Variants in LRRC4C observed in about 807,000 individuals in gnomAD.
LRRC4C encodes the protein leucine rich repeat containing 4C, also known as leucine-rich repeat-containing protein 4C.
A neutral mutation model predicts 33.6 loss-of-function variants in LRRC4C; 5 were observed. The ratio of observed to expected loss-of-function variants is 0.15; its 90% CI spans 0.08 to 0.31. The LOEUF is 0.31. LRRC4C is among the 10% of genes least tolerant of loss of function. LRRC4C has a pLI of 1.00. For missense variants in LRRC4C, 560 were observed against 796.7 expected (o/e 0.70, Z 3.58); for synonymous variants, 329 against 302.0 (o/e 1.09, Z -0.93).
At chr11:40,391,262 C>G (rs7940274) in intron 3 of LRRC4C, among the ~76,000 whole-genome samples, 1 of 151,904 alleles carries the variant, frequency 6.6e-6, no homozygotes, top group Admixed American at 6.6e-5. Flanking sequence ...ATACTCAGTA[C>G]GTAGTTGTTG....
chr11:40,460,620 G>A (rs1010639873), intron 3 of LRRC4C, among the ~76,000 whole-genome samples: 3 of 152,106 alleles, frequency 2.0e-5, no homozygotes, highest in Admixed American at 6.6e-5. Context: ...TTGGCAGTAA[G>A]CTTTGGGAAA....
intron 1 of LRRC4C, among the ~76,000 whole-genome samples, chr11:41,196,035 G>A (rs1440859273): frequency 6.6e-6 from 1 of 152,046 alleles, no homozygotes; most frequent in African/African-American, 2.4e-5. Flanking sequence ...ACTTTTTAAA[G>A]TTTGTTGCTT....
chr11:40,528,436 C>T (rs1347900783), intron 3 of LRRC4C, among the ~76,000 whole-genome samples: 1 of 151,446 alleles, frequency 6.6e-6, no homozygotes, highest in Non-Finnish European at 1.5e-5. Flanking sequence ...AAAGTAAAAG[C>T]TGCAATGAGA....
intron 3 of LRRC4C, among the ~76,000 whole-genome samples, chr11:40,486,331 C>T (rs79450947): frequency 0.038 from 5,832 of 151,846 alleles, 336 homozygotes; most frequent in African/African-American, 0.12. Context: ...AAAGTTAAAA[C>T]ATTCACAGGG....
intron 3 of LRRC4C, among the ~76,000 whole-genome samples, chr11:40,555,219 T>C (rs1166397329): frequency 6.6e-6 from 1 of 152,170 alleles, no homozygotes; most frequent in Non-Finnish European, 1.5e-5. Flanking sequence ...CCTTCCTTTT[T>C]CTATTTCACT....
intron 1 of LRRC4C, among the ~76,000 whole-genome samples, chr11:41,176,296 G>A (rs958046296): frequency 6.6e-6 from 1 of 152,124 alleles, no homozygotes; most frequent in Non-Finnish European, 1.5e-5. Flanking sequence ...CCCAAAAAGA[G>A]CTTTTTCTAA....
intron 4 of LRRC4C, among the ~76,000 whole-genome samples, chr11:40,244,735 T>A (rs538517950): frequency 1.3e-5 from 2 of 149,630 alleles, no homozygotes; most frequent in South Asian, 4.2e-4. Context: ...AGGGGAAGGT[T>A]TTTTTTTTGG....
At chr11:40,871,234 G>T (rs1210697000) in intron 2 of LRRC4C, among the ~76,000 whole-genome samples, 1 of 151,974 alleles carries the variant, frequency 6.6e-6, no homozygotes, top group Non-Finnish European at 1.5e-5. Flanking sequence ...CTGTGATCTC[G>T]CCCTGCCTCC....
At chr11:40,852,129 AT>A (rs5791404) in intron 2 of LRRC4C, among the ~76,000 whole-genome samples, 31,705 of 146,606 alleles carry the variant, frequency 0.22, 3,886 homozygotes, top group African/African-American at 0.35. Context: ...GCACTACTAG[AT>A]TTTTTTTTTT....
chr11:40,729,279 T>G (rs544151647), intron 2 of LRRC4C, among the ~76,000 whole-genome samples: 1 of 152,336 alleles, frequency 6.6e-6, no homozygotes, highest in East Asian at 1.9e-4. Flanking sequence ...ATGCCATTAT[T>G]AATATTTTAC....
intron 2 of LRRC4C, among the ~76,000 whole-genome samples, chr11:40,807,308 G>T (rs1951296521): frequency 6.6e-6 from 1 of 152,160 alleles, no homozygotes; most frequent in South Asian, 2.1e-4. Context: ...CCTGCGACAG[G>T]CTTCAAGGGA....
intron 6 of LRRC4C, among the ~76,000 whole-genome samples, chr11:40,135,449 C>T (rs1379896963): frequency 2.0e-5 from 3 of 152,070 alleles, no homozygotes; most frequent in Non-Finnish European, 2.9e-5. Context: ...GTAAAAACTC[C>T]CTGTATTTTT....
intron 1 of LRRC4C, among the ~76,000 whole-genome samples, chr11:40,987,692 C>A (rs1393041955): frequency 1.3e-4 from 14 of 106,628 alleles, no homozygotes; most frequent in Admixed American, 5.3e-4. Context: ...ATATATATAT[C>A]TCATATATAT....
chr11:40,491,833 G>A (rs1954175291), intron 3 of LRRC4C, among the ~76,000 whole-genome samples: 2 of 152,090 alleles, frequency 1.3e-5, no homozygotes, highest in Admixed American at 6.6e-5. Flanking sequence ...CACGTTCACA[G>A]TCCCACCTAT....
rs1958736956 is a variant in LRRC4C at position 40,952,436 on chromosome 11, CT to C, written c.-495-18714del. ...TGACACTAATTTAGAAGTTCTAACC[CT>C]TTTTCACTTTTGGTCGAGCATGCTC... is the stretch of plus-strand genomic sequence containing the variant. On this transcript the variant is annotated intron_variant, in intron 1 of 6. Coordinates refer to ENST00000528697, the MANE Select transcript of LRRC4C (RefSeq NM_001258419.2). 2.6e-5 allele frequency among the ~76,000 whole-genome samples: 4 copies of C among 151,996 alleles called. No individual in the cohort carries two copies. In the East Asian group the frequency reaches 7.8e-4, roughly 30 times the overall value.
At chr11:40,840,179 G>A (rs73472635) in intron 2 of LRRC4C, among the ~76,000 whole-genome samples, 132 of 152,138 alleles carry the variant, frequency 8.7e-4, no homozygotes, top group Middle Eastern at 3.4e-3. Flanking sequence ...TATTACAGTG[G>A]CAATAATCAA....
intron 2 of LRRC4C, among the ~76,000 whole-genome samples, chr11:40,791,550 T>C (rs920151000): frequency 6.6e-6 from 1 of 152,178 alleles, no homozygotes; most frequent in African/African-American, 2.4e-5. Flanking sequence ...AGTAATCATG[T>C]TTGTGCAAAA....
chr11:41,419,303 T>A (rs1954794426), intron 1 of LRRC4C, among the ~76,000 whole-genome samples: 1 of 151,930 alleles, frequency 6.6e-6, no homozygotes, highest in South Asian at 2.1e-4. Context: ...GTCATAGGTA[T>A]CAAATCCACA....
intron 2 of LRRC4C, among the ~76,000 whole-genome samples, chr11:40,790,786 A>G (rs1306860014): frequency 6.6e-6 from 1 of 152,246 alleles, no homozygotes; most frequent in African/African-American, 2.4e-5. Context: ...TCTGTTAATT[A>G]TAAATATGCA....
Sources: gnomAD v4.1 joint callset for allele counts (sites outside exome capture counted in the v4.1 genomes callset) on GRCh38, gnomAD v4.1.1 for gene constraint, MANE v1.5 for transcripts, NCBI Gene and HGNC (gene_info 2026-07-23, HGNC 2026-07-21) for gene names.